Variants in NSUN7 observed in about 807,000 individuals in gnomAD.
The protein encoded by NSUN7 is NOP2/Sun RNA methyltransferase family member 7, also known as protein NSUN7.
NSUN7 carries 39 observed loss-of-function variants against 58.5 expected under a neutral mutation model. The observed-to-expected ratio is 0.67, with a 90% CI of 0.52 to 0.87. The LOEUF (loss-of-function observed/expected upper bound fraction) is 0.87, where lower values mean the gene tolerates loss of function less well. Ranked by LOEUF, NSUN7 falls within the 40% of genes least tolerant of loss-of-function variation. NSUN7 has a pLI of 0.00. For synonymous variants in NSUN7, 278 were observed against 303.7 expected (o/e 0.92, Z 0.88); for missense variants, 765 against 844.1 (o/e 0.91, Z 1.16).
intron 2 of NSUN7, among the ~76,000 whole-genome samples, chr4:40,751,320 G>A (rs1316334891): frequency 1.3e-5 from 2 of 151,784 alleles, no homozygotes; most frequent in South Asian, 2.1e-4. Context: ...TAGGGGTCTC[G>A]CTTTATTGTC....
At chr4:40,789,950 T>TC (rs1468344194) in intron 7 of NSUN7, among the ~76,000 whole-genome samples, 2 of 152,150 alleles carry the variant, frequency 1.3e-5, no homozygotes, top group Non-Finnish European at 2.9e-5. Flanking sequence ...AGGCAGACTC[T>TC]CTTAAGCTAA....
intron 2 of NSUN7, among the ~76,000 whole-genome samples, chr4:40,754,681 T>C (rs1741051320): frequency 6.6e-6 from 1 of 152,228 alleles, no homozygotes; most frequent in African/African-American, 2.4e-5. Flanking sequence ...AAAGAGAGCT[T>C]GAGTAATGGT....
At chr4:40,761,360 TAAAATTACA>T (rs1245121805) in intron 4 of NSUN7, 59 bp downstream of exon 4, 4 of 1,307,654 alleles carry the variant, frequency 3.1e-6, no homozygotes, top group Non-Finnish European at 4.3e-6. Context: ...TTGTTATTGG[TAAAATTACA>T]TACAGTATAA....
intron 9 of NSUN7, among the ~76,000 whole-genome samples, chr4:40,797,057 G>A (rs919062894): frequency 2.0e-5 from 3 of 152,148 alleles, no homozygotes; most frequent in Non-Finnish European, 4.4e-5. Flanking sequence ...ACCTAGGTCT[G>A]TCTGTGGCAG....
rs1360868735 is a variant in NSUN7 at position 40,775,324 on chromosome 4, A to G, written c.825+374A>G. ...GTGCCATCTTGCATATGAAAAAACAATTGTAATAGTTTTTCATAATTTCTT... is the reference window on the plus strand; with the variant it reads ...GTGCCATCTTGCATATGAAAAAACAGTTGTAATAGTTTTTCATAATTTCTT... On this transcript the variant is annotated intron_variant, in intron 6 of 11. Coordinates refer to ENST00000381782, the MANE Select transcript of NSUN7 (RefSeq NM_024677.6). The surrounding 1 kb of genome is among the most constrained non-coding windows in gnomAD (Gnocchi z 4.3). 6.5e-6 allele frequency: 1 copy of G among 154,946 alleles called. No homozygotes were observed. Among genetic ancestry groups the G allele is most frequent in the Non-Finnish European group, 1.4e-5 (1 of 70,074 alleles). 9.6% of individuals were successfully genotyped at this position (154,946 alleles called of 1,614,324 possible).
rs749806099 is a variant in NSUN7, at chr4:40,808,308, G to A, written c.1526G>A (p.Arg509Gln). The change falls in exon 12 of 12, where the codon CGG (arginine) becomes CAG (glutamine). Residue 509 changes from arginine to glutamine, a missense_variant and splice_region_variant. By Grantham distance (43) the Arg-to-Gln change is conservative. Transcript: ENST00000381782. ...GCFLSILTRERDPSETVSVND... is the reference protein window; with the variant it reads ...GCFLSILTREQDPSETVSVND... ...TAGTAAATGCTTCTTTAATTGCAGC[G>A]GGACCCTTCTGAGACAGTGTCTGTG... 6.2e-6 allele frequency: 10 copies of A among 1,604,312 alleles called. No homozygotes were observed. Among genetic ancestry groups the A allele is most frequent in the Admixed American group, 3.4e-5 (2 of 58,574 alleles).
rs199774785 is a variant in NSUN7 at position 40,808,810 on chromosome 4, C to G, written c.2028C>G (p.Tyr676Ter). The G allele has an allele frequency of 7.6e-5, 118 of 1,549,012 alleles. No individual in the cohort carries two copies. Among genetic ancestry groups the G allele is most frequent in the Non-Finnish European group, 9.9e-5 (113 of 1,146,410 alleles). Residue 676 changes from tyrosine to a stop codon, truncating the protein, a stop_gained, in exon 12 of 12, where the codon TAC (tyrosine) becomes TAG (stop). Transcript: ENST00000381782. LOFTEE classifies it low-confidence loss of function (END_TRUNC). ...IRSRMPTQHL[Y>*]CRWVAPKALV... ...CTCGGATGCCAACTCAACATTTGTA[C>G]TGTCGTTGGGTTGCACCCAAGGCAC...
chr4:40,777,174 C>T (rs1001482589), intron 7 of NSUN7, among the ~76,000 whole-genome samples: 1 of 152,134 alleles, frequency 6.6e-6, no homozygotes, highest in Non-Finnish European at 1.5e-5. Flanking sequence ...ATTAGAACCC[C>T]CATTCCAGTC....
rs189730060 is a variant in NSUN7, at chr4:40,785,362, T to C, written c.1037-5240T>C. ...GAAAAGTAGGAAATCCCATGACATT[T>C]TGGATTTTTTTTTTGAGATGGAGTT... On this transcript the variant is annotated intron_variant, in intron 7 of 11. Coordinates refer to ENST00000381782, the MANE Select transcript of NSUN7 (RefSeq NM_024677.6). 2.8e-3 allele frequency among the ~76,000 whole-genome samples: 425 copies of C among 151,866 alleles called. 3 individuals carry two copies. The highest frequency in any genetic ancestry group is 9.6e-3 in the African/African-American group (398 of 41,412).
intron 2 of NSUN7, among the ~76,000 whole-genome samples, chr4:40,755,363 C>T (rs1423503226): frequency 1.3e-5 from 2 of 152,166 alleles, no homozygotes; most frequent in East Asian, 1.9e-4. Context: ...GCTGGGATTA[C>T]AGGCGTGAGC....
chr4:40,760,085 A>C (rs1741376687), intron 2 of NSUN7, among the ~76,000 whole-genome samples: 1 of 152,232 alleles, frequency 6.6e-6, no homozygotes. Context: ...CCAGCAATAC[A>C]TAAAAAGAAT....
At chr4:40,789,139 C>T (rs1435646) in intron 7 of NSUN7, among the ~76,000 whole-genome samples, 47,981 of 151,880 alleles carry the variant, frequency 0.32, 7,829 homozygotes, top group Admixed American at 0.46. Flanking sequence ...CTCTTTCTCT[C>T]TGTCCCCCAA....
chr4:40,807,211 T>G, intron 11 of NSUN7, 27 bp downstream of exon 11: 1 of 1,535,040 alleles, frequency 6.5e-7, no homozygotes, highest in East Asian at 2.5e-5. Flanking sequence ...CTAATCCATG[T>G]CATACTTTGG....
In NSUN7 at chr4:40,808,406, G is replaced by A; in HGVS notation, c.1624G>A (p.Glu542Lys). Residue 542 changes from glutamate (E) to lysine (K), a missense_variant, in exon 12 of 12, where the codon GAG becomes AAG. Glu to Lys is a moderately conservative substitution (Grantham distance 56). Coordinates refer to ENST00000381782, the MANE Select transcript of NSUN7 (RefSeq NM_024677.6). ...GIELGKSSKR[E>K]KKKKKSKTSL... ...TGAGTTGGGTAAATCATCAAAACGG[G>A]AGAAGAAGAAGAAAAAATCAAAAAC... The A allele has an allele frequency of 1.2e-6, 2 of 1,614,002 alleles. No homozygotes were observed. Among genetic ancestry groups the A allele is most frequent in the Non-Finnish European group, 1.7e-6 (2 of 1,179,998 alleles).
chr4:40,778,223 C>T (rs1026727140), intron 7 of NSUN7, among the ~76,000 whole-genome samples: 2 of 152,018 alleles, frequency 1.3e-5, no homozygotes, highest in East Asian at 3.8e-4. Context: ...TGTGGAATTG[C>T]AGATGGAGAG....
chr4:40,788,917 G>C (rs940354932), intron 7 of NSUN7, among the ~76,000 whole-genome samples: 4 of 152,192 alleles, frequency 2.6e-5, no homozygotes, highest in Non-Finnish European at 5.9e-5. Flanking sequence ...TTTTCAAATA[G>C]TTGAGCAGTT....
intron 10 of NSUN7, among the ~76,000 whole-genome samples, chr4:40,801,759 T>TGTG (rs532991403): frequency 0.013 from 1,904 of 151,186 alleles, 38 homozygotes; most frequent in African/African-American, 0.043. Context: ...ATTAGCCACG[T>TGTG]GTGGTGGTGG....
intron 7 of NSUN7, among the ~76,000 whole-genome samples, chr4:40,777,527 G>A (rs760612099): frequency 6.6e-6 from 1 of 152,050 alleles, no homozygotes; most frequent in Non-Finnish European, 1.5e-5. Flanking sequence ...TGTTGGCCAG[G>A]CTGGTCTCGA....
At chr4:40,800,343 C>CTTTT (rs752170347) in intron 10 of NSUN7, among the ~76,000 whole-genome samples, 1 of 145,514 alleles carries the variant, frequency 6.9e-6, no homozygotes, top group Non-Finnish European at 1.5e-5. Flanking sequence ...AATCCTTAAA[C>CTTTT]TTTTTTTTTT....
Sources: allele counts gnomAD v4.1 joint callset (sites outside exome capture counted in the v4.1 genomes callset), GRCh38; gene constraint gnomAD v4.1.1; non-coding constraint Gnocchi (gnomAD v3.1); transcripts MANE v1.5; gene names NCBI Gene and HGNC (gene_info 2026-07-23, HGNC 2026-07-21).